Variants in FBN2 observed in about 807,000 individuals in gnomAD.
FBN2 encodes fibrillin-2.
Under a neutral mutation model 355.6 loss-of-function variants are expected in FBN2, and 105 were observed. The ratio of observed to expected loss-of-function variants is 0.30; its 90% CI spans 0.25 to 0.35. The LOEUF (loss-of-function observed/expected upper bound fraction) is 0.35, where lower values mean the gene tolerates loss of function less well. Ranked by LOEUF, FBN2 falls within the 10% of genes least tolerant of loss-of-function variation. The pLI is 1.00. For synonymous variants in FBN2, 1,350 were observed against 1,301.2 expected (o/e 1.04, Z -0.81); for missense variants, 3,280 against 3,758.7 (o/e 0.87, Z 3.33).
At chr5:128,448,613 C>A (rs983894428) in intron 6 of FBN2, among the ~76,000 whole-genome samples, 1 of 152,040 alleles carries the variant, frequency 6.6e-6, no homozygotes, top group Non-Finnish European at 1.5e-5. Context: ...CGTGCCTGGC[C>A]TCCAATATCC....
At chr5:128,301,034 G>A (rs1354910255) in intron 47 of FBN2, 98 bp from the exon 48 acceptor site, 1 of 1,133,934 alleles carries the variant, frequency 8.8e-7, no homozygotes, top group African/African-American at 1.5e-5. Context: ...ATTCAACTCG[G>A]GTCCTCTGAT....
intron 62 of FBN2, among the ~76,000 whole-genome samples, chr5:128,264,366 G>C (rs1192785857): frequency 2.0e-5 from 3 of 152,108 alleles, no homozygotes; most frequent in Non-Finnish European, 2.9e-5. Context: ...AAATGCTTGA[G>C]AACCCATTGG....
intron 58 of FBN2, among the ~76,000 whole-genome samples, chr5:128,277,019 T>C (rs1311145127): frequency 6.6e-6 from 1 of 152,156 alleles, no homozygotes; most frequent in East Asian, 1.9e-4. Context: ...ACATACGGCG[T>C]TGATGCCCAC....
chr5:128,323,632 G>T (rs1750454219), intron 34 of FBN2, among the ~76,000 whole-genome samples: 1 of 152,174 alleles, frequency 6.6e-6, no homozygotes, highest in Admixed American at 6.5e-5. Context: ...TGCATCCCAG[G>T]GATAAAGCCG....
At chr5:128,460,607 A>G (rs1203424026) in intron 6 of FBN2, among the ~76,000 whole-genome samples, 2 of 152,220 alleles carry the variant, frequency 1.3e-5, no homozygotes, top group Non-Finnish European at 2.9e-5. Context: ...ACTTCAAACT[A>G]TACTACAAGG....
chr5:128,446,999 C>T lies in FBN2; in HGVS notation c.827-393G>A, dbSNP rs1044141533. Reference sequence around the variant, plus strand: ...GCCTGTCTTTACTGCAATCTCTGAACATAAATTGTGAAGATTTCATGGACA... The same window carrying T: ...GCCTGTCTTTACTGCAATCTCTGAATATAAATTGTGAAGATTTCATGGACA... On this transcript the variant is annotated intron_variant, in intron 6 of 64. Transcript: ENST00000262464. Among the ~76,000 whole-genome samples the T allele has an allele frequency of 2.0e-5, 3 of 152,282 alleles. No homozygotes were observed. In the East Asian group the frequency reaches 5.8e-4, roughly 29 times the overall value.
chr5:128,293,822 TTTC>T (rs1749406339), intron 48 of FBN2, among the ~76,000 whole-genome samples: 1 of 151,508 alleles, frequency 6.6e-6, no homozygotes, highest in Non-Finnish European at 1.5e-5. Flanking sequence ...ATCTTAAACT[TTTC>T]TTTTTTTTAA....
chr5:128,376,984 A>T lies in FBN2; in HGVS notation c.1850-131T>A, dbSNP rs565119766. The T allele has an allele frequency of 1.3e-3, 1,419 of 1,125,734 alleles. 27 individuals are homozygous for T. In the South Asian group the frequency reaches 0.016, roughly 13 times the overall value. 69.7% of individuals were successfully genotyped at this position (1,125,734 alleles called of 1,614,324 possible). On this transcript the variant is annotated intron_variant, in intron 13 of 64. Transcript: ENST00000262464. Reference sequence around the variant, plus strand: ...GTGCTCATGGCTTTTAGTTTTTTTTAAAAAAAGAACGCCAACTGAATGAGA... The same window carrying T: ...GTGCTCATGGCTTTTAGTTTTTTTTTAAAAAAGAACGCCAACTGAATGAGA...
In FBN2 at chr5:128,393,314, C is replaced by A. The variant is rs749969520; in HGVS notation, c.1286G>T (p.Ser429Ile). ...DGLPMGGIPG[S>I]AGSRPGGTGG... ...AGTGCCTCCAGGTCTGGAACCAGCACTCCCTGGAATTCCTCCCATTGGAAG... is the reference window on the plus strand; with the variant it reads ...AGTGCCTCCAGGTCTGGAACCAGCAATCCCTGGAATTCCTCCCATTGGAAG... Residue 429 changes from serine (S) to isoleucine (I), a missense_variant, in exon 10 of 65, where the codon AGT (serine) becomes ATT (isoleucine). Around this residue, in one of 6 missense-constraint regions of FBN2, gnomAD observed 343 missense variants for 331.0 expected, o/e 1.04. Coordinates refer to ENST00000262464, the MANE Select transcript of FBN2 (RefSeq NM_001999.4). The A allele has an allele frequency of 1.2e-6, 2 of 1,614,202 alleles. No homozygotes were observed. The highest frequency in any genetic ancestry group is 1.3e-5 in the African/African-American group (1 of 75,066).
rs957820907 is a variant in FBN2, at chr5:128,297,150, G to T, written c.6166+3667C>A. On this transcript the variant is annotated intron_variant, in intron 48 of 64. Coordinates refer to ENST00000262464, the MANE Select transcript of FBN2 (RefSeq NM_001999.4). ...AGTTTCCATGTAGTTGAGCGGTTTTGAGTGAGATTCTTAATCCTGAGTTCT... is the reference window on the plus strand; with the variant it reads ...AGTTTCCATGTAGTTGAGCGGTTTTTAGTGAGATTCTTAATCCTGAGTTCT... Among the ~76,000 whole-genome samples the T allele has an allele frequency of 1.8e-4, 28 of 152,230 alleles. 1 individual carries two copies. Among genetic ancestry groups the T allele is most frequent in the Admixed American group, 9.8e-4 (15 of 15,290 alleles).
At chr5:128,308,994 A>C (rs374521089) in intron 41 of FBN2, among the ~76,000 whole-genome samples, 1 of 152,240 alleles carries the variant, frequency 6.6e-6, no homozygotes, top group East Asian at 1.9e-4. Flanking sequence ...TAAATGGACT[A>C]ATGCTATCAA....
chr5:128,295,352 G>GT (rs1244121825), intron 48 of FBN2, among the ~76,000 whole-genome samples: 1 of 151,614 alleles, frequency 6.6e-6, no homozygotes, highest in Non-Finnish European at 1.5e-5. Context: ...CTTTAAAGTA[G>GT]TTTTTTCCAA....
chr5:128,484,322 A>G (rs1755276061), intron 5 of FBN2, among the ~76,000 whole-genome samples: 1 of 152,232 alleles, frequency 6.6e-6, no homozygotes, highest in African/African-American at 2.4e-5. Flanking sequence ...GTTAAAGCTA[A>G]AATGTTTTGT....
intron 24 of FBN2, among the ~76,000 whole-genome samples, chr5:128,344,961 A>G (rs1019132329): frequency 6.6e-6 from 1 of 151,810 alleles, no homozygotes; most frequent in Admixed American, 6.6e-5. Context: ...TCAGCCTCCC[A>G]AAGTGCTAGG....
chr5:128,432,775 G>C lies in FBN2; in HGVS notation c.952+13706C>G, dbSNP rs141895884. Among the ~76,000 whole-genome samples the C allele has an allele frequency of 9.2e-5, 14 of 152,124 alleles. No individual in the cohort carries two copies. The East Asian group carries it at 2.7e-3, about 29-fold the overall frequency. On this transcript the variant is annotated intron_variant, in intron 7 of 64. Coordinates refer to ENST00000262464, the MANE Select transcript of FBN2 (RefSeq NM_001999.4). ...GACCTGCATTTAGGGTGTTGTATTA[G>C]TCTGTTTTCACACTGCTATAAAGAG...
Position 128,530,016 on chromosome 5 carries a change from T to C in FBN2, c.436+579A>G, listed in dbSNP as rs926103309. 4.6e-4 allele frequency among the ~76,000 whole-genome samples: 70 copies of C among 152,308 alleles called. 2 individuals carry two copies. Among genetic ancestry groups the C allele is most frequent in the Admixed American group, 3.1e-3 (48 of 15,296 alleles). ...GTTTGAGGCAAGACTTAAGAAAGCA[T>C]TTATTTAATTATTGAGCAATTAAAT... On this transcript the variant is annotated intron_variant, in intron 3 of 64. Coordinates refer to ENST00000262464, the MANE Select transcript of FBN2 (RefSeq NM_001999.4).
chr5:128,341,148 C>T (rs1751010274), intron 25 of FBN2, among the ~76,000 whole-genome samples: 1 of 152,190 alleles, frequency 6.6e-6, no homozygotes, highest in Admixed American at 6.5e-5. Context: ...CAGAACTTCA[C>T]AGTATATCCA....
At chr5:128,285,063 G>C (rs114750260) in intron 55 of FBN2, among the ~76,000 whole-genome samples, 1,987 of 152,268 alleles carry the variant, frequency 0.013, 49 homozygotes, top group African/African-American at 0.046. Flanking sequence ...AATAATTACT[G>C]AGGCATAATA....
rs147346327 is a variant in FBN2 at position 128,393,165 on chromosome 5, C to G, written c.1435G>C (p.Gly479Arg). The G allele has an allele frequency of 6.2e-7, 1 of 1,614,076 alleles. No homozygotes were observed. Among genetic ancestry groups the G allele is most frequent in the Non-Finnish European group, 8.5e-7 (1 of 1,179,920 alleles). The change falls in exon 10 of 65, where the codon GGG (glycine) becomes CGG (arginine). Residue 479 changes from glycine (G) to arginine (R), a missense_variant. By Grantham distance (125) the Gly-to-Arg change is moderately radical. This residue lies in a region of FBN2 where 343 missense variants were observed against 331.0 expected (regional missense o/e 1.04). Transcript: ENST00000262464. ...CCAGTGATGATAGGTCCCTGTCCCC[C>G]GGCCCCCACACCGGCTCCCCCAACG... ...PGVGGAGVGA[G>R]GQGPIITGLT...
Sources: allele counts gnomAD v4.1 joint callset (sites outside exome capture counted in the v4.1 genomes callset), GRCh38; gene constraint gnomAD v4.1.1; regional missense constraint gnomAD v4.1.1; transcripts MANE v1.5; gene names NCBI Gene and HGNC (gene_info 2026-07-23, HGNC 2026-07-21).